Variants in LRRFIP1 observed in about 807,000 individuals in gnomAD.
LRRFIP1 encodes leucine-rich repeat flightless-interacting protein 1.
A neutral mutation model predicts 104.4 loss-of-function variants in LRRFIP1; 62 were observed. The ratio of observed to expected loss-of-function variants is 0.59; its 90% confidence interval spans 0.48 to 0.73. The LOEUF (loss-of-function observed/expected upper bound fraction) is 0.73. Among genes scored for constraint, LRRFIP1 ranks in the 30% least tolerant of loss-of-function variants. LRRFIP1 has a pLI of 0.00. For missense variants in LRRFIP1, 796 were observed against 824.5 expected (o/e 0.97, Z 0.42); for synonymous variants, 300 against 299.0 (o/e 1.00, Z -0.03).
At chr2:237,726,137 C>G (rs987479571) in intron 7 of LRRFIP1, among the ~76,000 whole-genome samples, 13 of 152,208 alleles carry the variant, frequency 8.5e-5, no homozygotes, top group African/African-American at 3.1e-4. Flanking sequence ...AAAACTCTTG[C>G]CAATCTCCAA....
At chr2:237,675,079 T>C (rs2090948887) in intron 1 of LRRFIP1, among the ~76,000 whole-genome samples, 1 of 152,234 alleles carries the variant, frequency 6.6e-6, no homozygotes, top group Non-Finnish European at 1.5e-5. Context: ...TTGTTGGTTC[T>C]GTTTCTAGTG....
rs138946481 is a variant in LRRFIP1, at chr2:237,744,378, C to A, written c.634-3986C>A. On this transcript the variant is annotated intron_variant, in intron 11 of 23. Transcript: ENST00000308482. ...GTGTTGAGGACAGGTTCCTTTTGTA[C>A]CTGGGCCCTTGAGTAGGGTCTCTCT... 2.3e-3 allele frequency among the ~76,000 whole-genome samples: 356 copies of A among 152,206 alleles called. 4 individuals are homozygous for A. Among genetic ancestry groups the A allele is most frequent in the African/African-American group, 8.0e-3 (333 of 41,508 alleles).
At chr2:237,764,261 A>G (rs1187933772) in intron 19 of LRRFIP1, 4 of 1,596,830 alleles carry the variant, frequency 2.5e-6, no homozygotes, top group East Asian at 2.2e-5. Context: ...GACAATTACC[A>G]GGTGCTCTAC....
At chr2:237,707,079 C>A (rs2093848292) in intron 1 of LRRFIP1, among the ~76,000 whole-genome samples, 1 of 152,136 alleles carries the variant, frequency 6.6e-6, no homozygotes, top group South Asian at 2.1e-4. Flanking sequence ...GCGAATAGAA[C>A]AAATTCCTCA....
At chr2:237,726,233 C>A (rs1339593070) in intron 7 of LRRFIP1, among the ~76,000 whole-genome samples, 2 of 152,160 alleles carry the variant, frequency 1.3e-5, no homozygotes, top group African/African-American at 4.8e-5. Flanking sequence ...TTTCTACACT[C>A]CTTTTGTTTC....
At chr2:237,744,778 C>T (rs1008916790) in intron 11 of LRRFIP1, among the ~76,000 whole-genome samples, 1 of 152,244 alleles carries the variant, frequency 6.6e-6, no homozygotes, top group Non-Finnish European at 1.5e-5. Context: ...ACTCAGAATA[C>T]GAGAGTCATG....
chr2:237,720,856 C>A, intron 6 of LRRFIP1, 34 bp downstream of exon 6: 1 of 1,601,214 alleles, frequency 6.2e-7, no homozygotes, highest in Non-Finnish European at 8.6e-7. Flanking sequence ...TTGCATGGCA[C>A]AGTTTCTGGT....
chr2:237,767,249 A>G (rs10179864), intron 19 of LRRFIP1, among the ~76,000 whole-genome samples: 49,843 of 152,022 alleles, frequency 0.33, 9,049 homozygotes, highest in East Asian at 0.53. Flanking sequence ...AAATATATAG[A>G]GCAATTTAGA....
At chr2:237,634,984 C>T (rs1339968252) in intron 1 of LRRFIP1, among the ~76,000 whole-genome samples, 2 of 152,202 alleles carry the variant, frequency 1.3e-5, no homozygotes, top group African/African-American at 4.8e-5. Context: ...TCAGGGTTTC[C>T]TGCACCTGCC....
chr2:237,719,993 G>A (rs2094482648), intron 5 of LRRFIP1, among the ~76,000 whole-genome samples: 1 of 143,444 alleles, frequency 7.0e-6, no homozygotes, highest in African/African-American at 2.6e-5. Flanking sequence ...TGTCACCCAG[G>A]CTAGAATGCA....
In LRRFIP1 at chr2:237,714,352, A is replaced by C. The variant is rs1389492717; in HGVS notation, c.201+76A>C. 3.5e-6 allele frequency: 4 copies of C among 1,157,638 alleles called. No individual in the cohort carries two copies. The East Asian group carries it at 9.4e-5, about 27-fold the overall frequency. The allele number at this position is 1,157,638 out of a possible 1,614,324, so 71.7% of individuals were successfully genotyped here. ...GCCAAGGGCCTGGTCACCTTTCAGA[A>C]ATAACACCTTGCACTGAAGATACAT... On this transcript the variant is annotated intron_variant, in intron 3 of 23. Coordinates refer to ENST00000308482, the MANE Select transcript of LRRFIP1 (RefSeq NM_001137550.2).
intron 19 of LRRFIP1, chr2:237,765,278 AAC>A (rs374059561): frequency 9.8e-5 from 16 of 163,302 alleles, no homozygotes; most frequent in South Asian, 2.0e-4. Flanking sequence ...AAAAAAAAAA[AAC>A]ACACACACAC....
At chr2:237,773,388 A>C (rs2060814231) in intron 22 of LRRFIP1, among the ~76,000 whole-genome samples, 1 of 152,108 alleles carries the variant, frequency 6.6e-6, no homozygotes, top group Non-Finnish European at 1.5e-5. Context: ...AAATACAAAA[A>C]TTAGCCGGGC....
chr2:237,714,355 A>G, intron 3 of LRRFIP1, 79 bp downstream of exon 3: 1 of 1,134,450 alleles, frequency 8.8e-7, no homozygotes. Context: ...TTTCAGAAAT[A>G]ACACCTTGCA....
chr2:237,642,556 G>C (rs1368275803), intron 1 of LRRFIP1, among the ~76,000 whole-genome samples: 1 of 152,142 alleles, frequency 6.6e-6, no homozygotes, highest in East Asian at 1.9e-4. Context: ...CCAGGCTCCA[G>C]GCTCCAGGTT....
intron 1 of LRRFIP1, among the ~76,000 whole-genome samples, chr2:237,681,597 C>T (rs1394503467): frequency 6.6e-6 from 1 of 151,610 alleles, no homozygotes; most frequent in Non-Finnish European, 1.5e-5. Flanking sequence ...GAACTAGTGA[C>T]CGCAGGTGAT....
chr2:237,682,065 A>G (rs1169821569), intron 1 of LRRFIP1, among the ~76,000 whole-genome samples: 1 of 152,212 alleles, frequency 6.6e-6, no homozygotes, highest in Non-Finnish European at 1.5e-5. Flanking sequence ...AGACGGCAGA[A>G]GCTCCCTGAG....
In LRRFIP1 at chr2:237,753,465, G is replaced by A. The variant is rs760008859; in HGVS notation, c.1024G>A (p.Glu342Lys). Reference sequence around the variant, plus strand: ...GCTGGCTGAATCTAGGCGGCAGTACGAAGAGAAAAACAAAGTAAGCATTAG... The same window carrying A: ...GCTGGCTGAATCTAGGCGGCAGTACAAAGAGAAAAACAAAGTAAGCATTAG... ...EQLAESRRQY[E>K]EKNKEFEREK... The change falls in exon 15 of 24, where the codon GAA becomes AAA. Residue 342 changes from glutamate (E) to lysine (K), a missense_variant. By Grantham distance (56) the Glu-to-Lys change is moderately conservative. Coordinates refer to ENST00000308482, the MANE Select transcript of LRRFIP1 (RefSeq NM_001137550.2). 1.5e-5 allele frequency: 24 copies of A among 1,587,336 alleles called. No individual in the cohort carries two copies. Among genetic ancestry groups the A allele is most frequent in the South Asian group, 3.5e-5 (3 of 85,976 alleles).
At chr2:237,749,444 C>A in intron 13 of LRRFIP1, 120 bp downstream of exon 13, 3 of 1,160,750 alleles carry the variant, frequency 2.6e-6, no homozygotes, top group Non-Finnish European at 3.6e-6. Context: ...TCCTCTCTCC[C>A]TCACCTCCCC....
Sources: gnomAD v4.1 joint callset for allele counts (sites outside exome capture counted in the v4.1 genomes callset) on GRCh38, gnomAD v4.1.1 for gene constraint, MANE v1.5 for transcripts, NCBI Gene and HGNC (gene_info 2026-07-23, HGNC 2026-07-21) for gene names.